The following NRF1 variants were observed in gnomAD, a reference collection of about 807,000 sequenced individuals.
NRF1 encodes nuclear respiratory factor 1.
In NRF1, 5 loss-of-function variants were observed where a neutral mutation model predicts 58.5. The observed-to-expected ratio is 0.09, with a 90% CI of 0.04 to 0.18. NRF1 has a LOEUF of 0.18. Among genes scored for constraint, NRF1 ranks in the 10% least tolerant of loss-of-function variants. The pLI is 1.00. For missense variants in NRF1, 288 were observed against 657.7 expected (o/e 0.44, Z 6.15); for synonymous variants, 224 against 246.7 (o/e 0.91, Z 0.86).
intron 1 of NRF1, among the ~76,000 whole-genome samples, chr7:129,640,268 G>A (rs1379261544): frequency 1.3e-5 from 2 of 152,162 alleles, no homozygotes. Flanking sequence ...TGTAATCCAA[G>A]TACTTTAGGA....
intron 10 of NRF1, among the ~76,000 whole-genome samples, chr7:129,734,617 G>T (rs533172201): frequency 1.3e-5 from 2 of 152,296 alleles, no homozygotes; most frequent in South Asian, 4.1e-4. Context: ...ACACACACAG[G>T]CTTGCCTTTG....
At chr7:129,690,103 G>C (rs1381762647) in intron 4 of NRF1, among the ~76,000 whole-genome samples, 1 of 152,310 alleles carries the variant, frequency 6.6e-6, no homozygotes, top group East Asian at 1.9e-4. Flanking sequence ...GTTAGACCTG[G>C]AACAGGCAAT....
chr7:129,634,057 T>TAC (rs1394350250), intron 1 of NRF1, among the ~76,000 whole-genome samples: 156 of 114,448 alleles, frequency 1.4e-3, no homozygotes, highest in African/African-American at 5.0e-3. Context: ...TATATATATA[T>TAC]ATATACACAC....
At chr7:129,683,175 T>G (rs184866387) in intron 4 of NRF1, among the ~76,000 whole-genome samples, 1 of 151,966 alleles carries the variant, frequency 6.6e-6, no homozygotes, top group African/African-American at 2.4e-5. Context: ...AGCGTTGGGA[T>G]TATAGGTGTG....
At position 129,657,495 on chromosome 7, in the gene NRF1, C is replaced by G. The variant is rs370398877; in HGVS notation, c.144C>G (p.Pro48=). 31 of 1,613,890 alleles carry G rather than the reference C, an allele frequency of 1.9e-5. No individual in the cohort carries two copies. In the African/African-American group the frequency reaches 3.9e-4, roughly 20 times the overall value. The change falls in exon 2 of 11, where the codon CCC becomes CCG. Residue 48 remains proline (P), a synonymous_variant. Transcript: ENST00000393232. ...CTGATGAAGACTCGCCTTCTTCTCC[C>G]GAGGACACCTCTTACGATGACTCAG... ...LSADEDSPSS[P]EDTSYDDSDI...
intron 10 of NRF1, among the ~76,000 whole-genome samples, chr7:129,736,543 C>A (rs1183749670): frequency 1.3e-5 from 2 of 152,046 alleles, no homozygotes; most frequent in African/African-American, 4.8e-5. Context: ...CCATCACGCC[C>A]AGCCCAATAG....
At chr7:129,694,034 C>T (rs1802630078) in intron 5 of NRF1, among the ~76,000 whole-genome samples, 1 of 152,212 alleles carries the variant, frequency 6.6e-6, no homozygotes, top group Non-Finnish European at 1.5e-5. Context: ...AAACCACACT[C>T]AGTAGAGCTT....
At chr7:129,724,281 A>G (rs1318336451) in intron 9 of NRF1, among the ~76,000 whole-genome samples, 2 of 152,254 alleles carry the variant, frequency 1.3e-5, no homozygotes, top group Admixed American at 6.5e-5. Flanking sequence ...CAGATGGCCA[A>G]TAAGCACAGG....
At chr7:129,666,181 A>G (rs1338554796) in intron 2 of NRF1, among the ~76,000 whole-genome samples, 2 of 152,210 alleles carry the variant, frequency 1.3e-5, no homozygotes, top group Non-Finnish European at 2.9e-5. Context: ...ACATGTTTGC[A>G]TCAAATGTTT....
At chr7:129,707,154 C>T (rs1237670737) in intron 5 of NRF1, among the ~76,000 whole-genome samples, 2 of 152,026 alleles carry the variant, frequency 1.3e-5, no homozygotes, top group East Asian at 1.9e-4. Context: ...CCACTGTAAC[C>T]GACTGAGTTT....
intron 2 of NRF1, among the ~76,000 whole-genome samples, chr7:129,663,418 G>A (rs1360110405): frequency 6.7e-6 from 1 of 148,518 alleles, no homozygotes; most frequent in Non-Finnish European, 1.5e-5. Flanking sequence ...CAGACGGGGT[G>A]GCGGCCGGGC....
At chr7:129,643,769 A>G (rs928139245) in intron 1 of NRF1, among the ~76,000 whole-genome samples, 37 of 152,246 alleles carry the variant, frequency 2.4e-4, no homozygotes, top group Admixed American at 2.2e-3. Context: ...GTTGTAAGCT[A>G]CAAGATGTTA....
At chr7:129,622,614 G>T (rs919952197) in intron 1 of NRF1, among the ~76,000 whole-genome samples, 40 of 145,556 alleles carry the variant, frequency 2.7e-4, no homozygotes, top group African/African-American at 9.2e-4. Context: ...CTGTTGCCCA[G>T]ACTGGAGTGC....
At chr7:129,644,970 A>G (rs1023921529) in intron 1 of NRF1, among the ~76,000 whole-genome samples, 2 of 152,052 alleles carry the variant, frequency 1.3e-5, no homozygotes, top group Non-Finnish European at 2.9e-5. Flanking sequence ...TTCAAAAACG[A>G]TTAAGAACTC....
At chr7:129,720,561 C>G (rs895594427) in intron 9 of NRF1, among the ~76,000 whole-genome samples, 2 of 152,174 alleles carry the variant, frequency 1.3e-5, no homozygotes, top group Non-Finnish European at 2.9e-5. Flanking sequence ...GCATGGTTCT[C>G]TAATAACCAC....
intron 2 of NRF1, among the ~76,000 whole-genome samples, chr7:129,666,082 A>C (rs990750363): frequency 1.3e-5 from 2 of 152,270 alleles, no homozygotes; most frequent in African/African-American, 4.8e-5. Flanking sequence ...AAAATACTTG[A>C]ATATTTGAAT....
intron 1 of NRF1, among the ~76,000 whole-genome samples, chr7:129,620,592 T>C (rs1800773182): frequency 6.6e-6 from 1 of 152,142 alleles, no homozygotes; most frequent in South Asian, 2.1e-4. Flanking sequence ...TTCACCATAT[T>C]GGACAGGCTG....
At chr7:129,656,777 A>C (rs1032238527) in intron 1 of NRF1, among the ~76,000 whole-genome samples, 2 of 152,142 alleles carry the variant, frequency 1.3e-5, no homozygotes, top group African/African-American at 4.8e-5. Context: ...GGGTTTTGCC[A>C]TGTTGGCCAG....
At chr7:129,753,276 C>G (rs896183540) in intron 10 of NRF1, among the ~76,000 whole-genome samples, 2 of 152,186 alleles carry the variant, frequency 1.3e-5, no homozygotes, top group Non-Finnish European at 2.9e-5. Context: ...GGGTGAACCT[C>G]AGAGGCCCAG....
Sources: allele counts gnomAD v4.1 joint callset (sites outside exome capture counted in the v4.1 genomes callset), GRCh38; gene constraint gnomAD v4.1.1; transcripts MANE v1.5; gene names NCBI Gene and HGNC (gene_info 2026-07-23, HGNC 2026-07-21).